Variants in LAMA2 observed in about 807,000 individuals in gnomAD.
The protein encoded by LAMA2 is laminin subunit alpha 2.
Under a neutral mutation model 364.8 loss-of-function variants are expected in LAMA2, and 269 were observed. That is an observed-to-expected ratio of 0.74 (90% confidence interval 0.67 to 0.82). The LOEUF is 0.82. Among genes scored for constraint, LAMA2 ranks in the 40% least tolerant of loss-of-function variants. The pLI is 0.00. For synonymous variants in LAMA2, 1,379 were observed against 1,370.6 expected (o/e 1.01, Z -0.14); for missense variants, 3,807 against 3,873.2 (o/e 0.98, Z 0.45).
At chr6:129,222,795 A>G (rs571275392) in intron 12 of LAMA2, among the ~76,000 whole-genome samples, 4 of 152,244 alleles carry the variant, frequency 2.6e-5, no homozygotes, top group South Asian at 4.1e-4. Context: ...TAGTGCCGCA[A>G]TAAACATACA....
rs191627988 is a variant in LAMA2 at position 129,112,873 on chromosome 6, T to C, written c.639+14458T>C. ...TTATTTCACCTACTGAATAACTGAATAAATTGAGTAGAGAGGCTGCTTGTA... is the reference window on the plus strand; with the variant it reads ...TTATTTCACCTACTGAATAACTGAACAAATTGAGTAGAGAGGCTGCTTGTA... On this transcript the variant is annotated intron_variant, in intron 4 of 64. Transcript: ENST00000421865. Among the ~76,000 whole-genome samples the C allele has an allele frequency of 1.1e-3, 169 of 152,030 alleles. 1 individual carries two copies. The highest frequency in any genetic ancestry group is 9.6e-4 in the Non-Finnish European group (65 of 67,900).
At chr6:129,186,737 A>C (rs1249231771) in intron 10 of LAMA2, among the ~76,000 whole-genome samples, 1 of 151,684 alleles carries the variant, frequency 6.6e-6, no homozygotes, top group African/African-American at 2.4e-5. Context: ...CTCTTACAGC[A>C]GTGATTTTCT....
chr6:129,450,849 G>T (rs777880065), intron 45 of LAMA2, among the ~76,000 whole-genome samples: 42 of 152,036 alleles, frequency 2.8e-4, no homozygotes, highest in Non-Finnish European at 5.3e-4. Context: ...TTGATTTCTT[G>T]TTCACTTTGA....
intron 49 of LAMA2, among the ~76,000 whole-genome samples, chr6:129,462,293 T>C (rs1284134808): frequency 6.6e-6 from 1 of 151,898 alleles, no homozygotes; most frequent in Non-Finnish European, 1.5e-5. Flanking sequence ...GAATCCAAAG[T>C]AAACCAACAT....
At chr6:129,391,139 A>G (rs1779295078) in intron 35 of LAMA2, among the ~76,000 whole-genome samples, 1 of 152,152 alleles carries the variant, frequency 6.6e-6, no homozygotes, top group Admixed American at 6.5e-5. Context: ...AGCAATGCAG[A>G]GCTTGCGTTT....
At chr6:129,228,771 C>T (rs1364815290) in intron 12 of LAMA2, among the ~76,000 whole-genome samples, 1 of 152,156 alleles carries the variant, frequency 6.6e-6, no homozygotes, top group Non-Finnish European at 1.5e-5. Flanking sequence ...TGACGTTAAT[C>T]TTTCATGCAC....
At chr6:129,251,799 G>T (rs1193003203) in intron 13 of LAMA2, among the ~76,000 whole-genome samples, 1 of 152,070 alleles carries the variant, frequency 6.6e-6, no homozygotes, top group Non-Finnish European at 1.5e-5. Context: ...GCCAGGCTTG[G>T]TGGCAGGCGC....
At chr6:128,901,219 T>G (rs1777064205) in intron 1 of LAMA2, among the ~76,000 whole-genome samples, 1 of 152,228 alleles carries the variant, frequency 6.6e-6, no homozygotes, top group Non-Finnish European at 1.5e-5. Flanking sequence ...ATAGACTATC[T>G]ATAGATTCAA....
intron 5 of LAMA2, 94 bp downstream of exon 5, chr6:129,144,174 A>T: frequency 1.1e-6 from 1 of 915,630 alleles, no homozygotes; most frequent in Non-Finnish European, 1.7e-6. Context: ...AGTGATTTGT[A>T]GGAGTGGTTA....
intron 17 of LAMA2, among the ~76,000 whole-genome samples, chr6:129,273,972 T>G (rs1788116946): frequency 6.6e-6 from 1 of 151,744 alleles, no homozygotes; most frequent in South Asian, 2.1e-4. Flanking sequence ...AAATAATAAT[T>G]TTACTTCTAG....
At position 129,514,517 on chromosome 6, in the gene LAMA2, C is replaced by T. The variant is rs1786872375; in HGVS notation, c.9133C>T (p.Gln3045Ter). 6.2e-7 allele frequency: 1 copy of T among 1,614,008 alleles called. No individual in the cohort carries two copies. The highest frequency in any genetic ancestry group is 1.3e-5 in the African/African-American group (1 of 74,918). ...CATTGAGCTCACAGTCGATGGGAAC[C>T]AGGTGGAAGCCCAAAGCCCAAACCC... The part of the protein sequence containing the change: ...HRIELTVDGN[Q>*]VEAQSPNPAS... Residue 3045 changes from glutamine to a stop codon, truncating the protein, a stop_gained, in exon 64 of 65, where the codon CAG (glutamine) becomes TAG (stop). Coordinates refer to ENST00000421865, the MANE Select transcript of LAMA2 (RefSeq NM_000426.4). LOFTEE classifies it high-confidence loss of function.
At chr6:128,905,839 G>T (rs1351952549) in intron 1 of LAMA2, among the ~76,000 whole-genome samples, 1 of 150,340 alleles carries the variant, frequency 6.7e-6, no homozygotes, top group Non-Finnish European at 1.5e-5. Flanking sequence ...CTGTGTCCAT[G>T]TGATCTCATT....
chr6:129,253,853 C>CA (rs1786438658), intron 14 of LAMA2, among the ~76,000 whole-genome samples: 3 of 152,198 alleles, frequency 2.0e-5, no homozygotes, highest in Admixed American at 6.5e-5. Context: ...GGAATGCATT[C>CA]ACAGCGCGGC....
At chr6:129,213,004 A>G (rs1783196970) in intron 12 of LAMA2, among the ~76,000 whole-genome samples, 1 of 152,216 alleles carries the variant, frequency 6.6e-6, no homozygotes, top group Non-Finnish European at 1.5e-5. Context: ...ATTTTCTGAT[A>G]GACATATTAC....
At chr6:129,389,454 G>A (rs1779199527) in intron 35 of LAMA2, among the ~76,000 whole-genome samples, 1 of 152,136 alleles carries the variant, frequency 6.6e-6, no homozygotes, top group African/African-American at 2.4e-5. Context: ...AGTTTCATGT[G>A]GTAGAAAGGG....
intron 4 of LAMA2, among the ~76,000 whole-genome samples, chr6:129,107,391 C>T (rs190533533): frequency 3.9e-5 from 6 of 152,180 alleles, no homozygotes; most frequent in African/African-American, 1.4e-4. Context: ...TGAGCTGGCT[C>T]AGCCTGGAAT....
chr6:129,038,155 G>A (rs4285345), intron 1 of LAMA2, among the ~76,000 whole-genome samples: 1 of 152,194 alleles, frequency 6.6e-6, no homozygotes, highest in South Asian at 2.1e-4. Context: ...GAAGTGACAC[G>A]GTGTTCACTT....
At chr6:129,480,548 A>G (rs983056267) in intron 54 of LAMA2, among the ~76,000 whole-genome samples, 39 of 152,136 alleles carry the variant, frequency 2.6e-4, no homozygotes, top group African/African-American at 9.2e-4. Context: ...CAAGGTTGTG[A>G]AAGAGTGAAT....
chr6:129,190,403 A>G (rs1027010186), intron 11 of LAMA2, 58 bp downstream of exon 11: 1 of 1,568,374 alleles, frequency 6.4e-7, no homozygotes, highest in Non-Finnish European at 8.8e-7. Context: ...TGTTGCTTTC[A>G]TCGTTGTTCT....
Sources: gnomAD v4.1 joint callset for allele counts (sites outside exome capture counted in the v4.1 genomes callset) on GRCh38, gnomAD v4.1.1 for gene constraint, MANE v1.5 for transcripts, NCBI Gene and HGNC (gene_info 2026-07-23, HGNC 2026-07-21) for gene names.